TFEC: variants seen among roughly 807,000 people sequenced by gnomAD.
The protein encoded by TFEC is class E basic helix-loop-helix protein 34.
TFEC carries 31 observed loss-of-function variants against 41.6 expected under a neutral mutation model. That is an observed-to-expected ratio of 0.74 (90% CI 0.56 to 1.01). TFEC has a LOEUF of 1.01. Among genes scored for constraint, TFEC ranks in the 50% least tolerant of loss-of-function variants. The pLI, the probability that TFEC is intolerant of heterozygous loss-of-function variation, is 0.00. For missense variants in TFEC, 402 were observed against 404.1 expected, an observed-to-expected ratio of 0.99 and a Z score of 0.04; for synonymous variants, 143 against 140.6, an observed-to-expected ratio of 1.02 and a Z score of -0.12.
chr7:115,978,191 C>T (rs1793470381), intron 2 of TFEC, among the ~76,000 whole-genome samples: 1 of 151,830 alleles, frequency 6.6e-6, no homozygotes, highest in African/African-American at 2.4e-5. Context: ...AAAGCTGAAA[C>T]AAGGTTAAAA....
chr7:115,969,077 AG>A (rs1473048940), intron 3 of TFEC, among the ~76,000 whole-genome samples: 1 of 151,846 alleles, frequency 6.6e-6, no homozygotes, highest in African/African-American at 2.4e-5. Flanking sequence ...ATTCCTGAAT[AG>A]GAATTATAAT....
At chr7:116,096,854 G>A (rs1399618289) in intron 3 of TFEC, among the ~76,000 whole-genome samples, 2 of 152,176 alleles carry the variant, frequency 1.3e-5, no homozygotes, top group African/African-American at 4.8e-5. Context: ...CACTTTGGGA[G>A]GCCGAAGAGG....
chr7:116,061,895 C>T (rs1436502307), intron 3 of TFEC, among the ~76,000 whole-genome samples: 2 of 152,024 alleles, frequency 1.3e-5, no homozygotes, highest in Non-Finnish European at 2.9e-5. Context: ...CAACTACACA[C>T]CTAGATATTT....
At chr7:116,099,959 G>A (rs1797566894) in intron 3 of TFEC, among the ~76,000 whole-genome samples, 1 of 152,120 alleles carries the variant, frequency 6.6e-6, no homozygotes, top group Non-Finnish European at 1.5e-5. Flanking sequence ...AATCTGAAGT[G>A]TTTATGATGT....
At chr7:116,085,157 G>A (rs34478917) in intron 3 of TFEC, among the ~76,000 whole-genome samples, 32,418 of 151,774 alleles carry the variant, frequency 0.21, 4,325 homozygotes, top group Non-Finnish European at 0.3. Context: ...GGCTTGAGGA[G>A]CTGAATTAAG....
rs186835409 is a variant in TFEC at position 116,055,424 on chromosome 7, T to C, written c.198+55284A>G. On this transcript the variant is annotated intron_variant, in intron 3 of 8. Coordinates refer to the TFEC transcript ENST00000484212. ...AGGAATATATGTGTATTAAAGAGAA[T>C]AGAAATCTAAATAATTTCAAATGAA... is the stretch of plus-strand genomic sequence containing the variant. Among the ~76,000 whole-genome samples the C allele has an allele frequency of 6.0e-4, 91 of 152,172 alleles. 1 individual carries two copies. The highest frequency in any genetic ancestry group is 2.1e-3 in the African/African-American group (88 of 41,572).
intron 1 of TFEC, among the ~76,000 whole-genome samples, chr7:115,990,766 G>C (rs1794073290): frequency 6.6e-6 from 1 of 152,230 alleles, no homozygotes; most frequent in African/African-American, 2.4e-5. Flanking sequence ...TGGTGTACCT[G>C]AAAGTGACGG....
chr7:116,086,320 T>C (rs536193894), intron 3 of TFEC, among the ~76,000 whole-genome samples: 1 of 151,946 alleles, frequency 6.6e-6, no homozygotes, highest in East Asian at 1.9e-4. Context: ...TAGTCAATAA[T>C]GAACACTTTC....
intron 1 of TFEC, among the ~76,000 whole-genome samples, chr7:116,131,375 T>G (rs144455850): frequency 0.011 from 1,602 of 152,294 alleles, 24 homozygotes; most frequent in African/African-American, 0.034. Context: ...TAATTAGGAC[T>G]AGTCTGTAAG....
At chr7:115,956,648 A>C (rs1338228812) in intron 4 of TFEC, 31 bp downstream of exon 4, 1 of 1,502,052 alleles carries the variant, frequency 6.7e-7, no homozygotes. Flanking sequence ...TAATAAAAAT[A>C]AAAAGGGTAA....
At chr7:115,943,912 TCTG>T (rs201210468) in intron 6 of TFEC, among the ~76,000 whole-genome samples, 3,432 of 150,738 alleles carry the variant, frequency 0.023, 118 homozygotes, top group African/African-American at 0.079. Context: ...AAATGTACAA[TCTG>T]TTGTTATCTT....
intron 3 of TFEC, among the ~76,000 whole-genome samples, chr7:116,079,860 C>T (rs910084052): frequency 6.6e-6 from 1 of 151,996 alleles, no homozygotes; most frequent in Non-Finnish European, 1.5e-5. Context: ...CTAAAAAGAG[C>T]CTGCATAAGC....
intron 3 of TFEC, among the ~76,000 whole-genome samples, chr7:116,048,796 T>A (rs1173025721): frequency 6.6e-6 from 1 of 152,214 alleles, no homozygotes; most frequent in Non-Finnish European, 1.5e-5. Context: ...GCAGAAACTC[T>A]ACAAGCCAGA....
intron 1 of TFEC, chr7:116,157,325 T>C (rs1431022205): frequency 6.6e-6 from 1 of 151,978 alleles, no homozygotes; most frequent in Non-Finnish European, 1.5e-5. Context: ...TCCTTTCCTC[T>C]TCTTCTTATT....
At chr7:116,125,138 T>C (rs896483686) in intron 1 of TFEC, among the ~76,000 whole-genome samples, 1 of 152,044 alleles carries the variant, frequency 6.6e-6, no homozygotes, top group Non-Finnish European at 1.5e-5. Context: ...TAATAAGAAA[T>C]GGACAGCAGG....
At chr7:116,126,336 A>G (rs1216547114) in intron 1 of TFEC, among the ~76,000 whole-genome samples, 6 of 152,190 alleles carry the variant, frequency 3.9e-5, no homozygotes, top group Non-Finnish European at 7.3e-5. Flanking sequence ...GAAATAAAAG[A>G]GGTTGATGGA....
intron 2 of TFEC, among the ~76,000 whole-genome samples, 195 bp from the exon 3 acceptor site, chr7:115,974,451 A>AGATATATATATAT (rs869072558): frequency 3.8e-5 from 1 of 26,386 alleles, no homozygotes; most frequent in South Asian, 1.4e-3. Context: ...TATATATATA[A>AGATATATATATAT]AAACACAGAT....
At chr7:116,044,045 A>G (rs1237272015) in intron 3 of TFEC, among the ~76,000 whole-genome samples, 1 of 152,178 alleles carries the variant, frequency 6.6e-6, no homozygotes, top group African/African-American at 2.4e-5. Flanking sequence ...TAAGAAAGTA[A>G]TCTACAGTCT....
intron 3 of TFEC, among the ~76,000 whole-genome samples, chr7:116,095,571 A>G (rs1002735971): frequency 6.6e-6 from 1 of 152,200 alleles, no homozygotes; most frequent in African/African-American, 2.4e-5. Context: ...CCCTGAAACT[A>G]TCGTCAGTTC....
Sources: gnomAD v4.1 joint callset for allele counts (sites outside exome capture counted in the v4.1 genomes callset) on GRCh38, gnomAD v4.1.1 for gene constraint, MANE v1.5 for transcripts, NCBI Gene and HGNC (gene_info 2026-07-23, HGNC 2026-07-21) for gene names.